SSRP1: variants seen among roughly 807,000 people sequenced by gnomAD.
The protein encoded by SSRP1 is FACT complex subunit SSRP1.
SSRP1 carries 21 observed loss-of-function variants against 84.4 expected under a neutral mutation model. The observed-to-expected ratio is 0.25, with a 90% CI of 0.18 to 0.36. The LOEUF is 0.36. Among genes scored for constraint, SSRP1 ranks in the 10% least tolerant of loss-of-function variants. The pLI is 1.00. For synonymous variants in SSRP1, 319 were observed against 318.3 expected (o/e 1.00, Z -0.02); for missense variants, 519 against 900.8 (o/e 0.58, Z 5.43).
Position 57,335,502 on chromosome 11 carries a change from G to T in SSRP1, c.-120+228C>A. Reference sequence around the variant, plus strand: ...ATGGCAACGAGCAGCGGAACCCCAGGGTCTGCCAGGAGCCCGCACATCGCA... The same window carrying T: ...ATGGCAACGAGCAGCGGAACCCCAGTGTCTGCCAGGAGCCCGCACATCGCA... On this transcript the variant is annotated intron_variant, in intron 1 of 16. Coordinates refer to ENST00000278412, the MANE Select transcript of SSRP1 (RefSeq NM_003146.3). This position sits in a 1 kb window ranked among gnomAD's most constrained non-coding sequence, Gnocchi z 4.6. 1 of 303,902 alleles carries T rather than the reference G, an allele frequency of 3.3e-6. No homozygotes were observed. The highest frequency in any genetic ancestry group is 3.1e-5 in the South Asian group (1 of 32,160). The allele number at this position is 303,902 out of a possible 1,614,324, so 18.8% of individuals were successfully genotyped here.
At position 57,335,542 on chromosome 11, in the gene SSRP1, G is replaced by C; in HGVS notation, c.-120+188C>G. The C allele has an allele frequency of 3.7e-6, 1 of 271,720 alleles. No individual in the cohort carries two copies. The highest frequency in any genetic ancestry group is 4.0e-5 in the South Asian group (1 of 25,116). 16.8% of individuals were successfully genotyped at this position (271,720 alleles called of 1,614,324 possible). On this transcript the variant is annotated intron_variant, in intron 1 of 16. Coordinates refer to ENST00000278412, the MANE Select transcript of SSRP1 (RefSeq NM_003146.3). The surrounding 1 kb of genome is among the most constrained non-coding windows in gnomAD (Gnocchi z 4.6). ...CGCACATCGCACGCGACCCAATCCA[G>C]CTCAGAGTGCAGGGTTTCCCTCGCA...
chr11:57,333,188 C>G, intron 4 of SSRP1, 39 bp from the exon 5 acceptor site: 1 of 1,571,482 alleles, frequency 6.4e-7, no homozygotes, highest in Admixed American at 1.8e-5. Flanking sequence ...AGCTCCTCCC[C>G]TTAAGTCTGC....
chr11:57,327,529 G>C lies in SSRP1; in HGVS notation c.1783-15C>G. On this transcript the variant is annotated splice_polypyrimidine_tract_variant and intron_variant, in intron 14 of 16. Coordinates refer to ENST00000278412, the MANE Select transcript of SSRP1 (RefSeq NM_003146.3). ...CGATCCCACTCCTGTCTCACACACA[G>C]AAAAAAACAGTTAAGAATAAGACCT... 1.2e-6 allele frequency: 2 copies of C among 1,613,046 alleles called. No homozygotes were observed. The highest frequency in any genetic ancestry group is 2.2e-5 in the East Asian group (1 of 44,882).
intron 3 of SSRP1, 145 bp downstream of exon 3, chr11:57,334,318 T>G (rs559488289): frequency 1.1e-6 from 1 of 873,208 alleles, no homozygotes; most frequent in African/African-American, 1.7e-5. Flanking sequence ...AGCCAAACAC[T>G]GATTGCCTGA....
In SSRP1 at chr11:57,332,995, G is replaced by A. The variant is rs1284658417; in HGVS notation, c.501C>T (p.Val167=). Residue 167 remains valine, a synonymous_variant, in exon 5 of 17, where the codon GTC becomes GTT. Coordinates refer to ENST00000278412, the MANE Select transcript of SSRP1 (RefSeq NM_003146.3). The surrounding 1 kb of genome is among the most constrained non-coding windows in gnomAD (Gnocchi z 5.5). ...CCACACCATCCTCCTGGGTGGGTGG[G>A]ACGTAGAAGCGCACCTCCATGAGAG... ...EVSLMEVRFY[V]PPTQEDGVDP... The A allele has an allele frequency of 1.9e-6, 3 of 1,613,768 alleles. No individual in the cohort carries two copies. In the African/African-American group the frequency reaches 4.0e-5, roughly 22 times the overall value.
rs374350120 is a variant in SSRP1 at position 57,328,358 on chromosome 11, C to T, written c.1550G>A (p.Arg517Gln). 147 of 1,614,076 alleles carry T rather than the reference C, an allele frequency of 9.1e-5. No individual in the cohort carries two copies. Among genetic ancestry groups the T allele is most frequent in the Non-Finnish European group, 1.2e-4 (136 of 1,180,032 alleles). ...CATCTTGGCCTTTTTGAGCTGTTTC[C>T]GCTTCTTCTCATCCCGGTCACTGTC... Reference protein sequence around the residue: ...EGDSDRDEKKRKQLKKAKMAK... With the variant: ...EGDSDRDEKKQKQLKKAKMAK... The change falls in exon 13 of 17, where the codon CGG (arginine) becomes CAG (glutamine). Residue 517 changes from arginine (R) to glutamine (Q), a missense_variant. Physicochemically the swap from Arg to Gln is conservative, Grantham distance 43 (BLOSUM62 1). This residue lies in a region of SSRP1 where 197 missense variants were observed against 265.0 expected (regional missense o/e 0.74). Coordinates refer to ENST00000278412, the MANE Select transcript of SSRP1 (RefSeq NM_003146.3).
At position 57,327,400 on chromosome 11, in the gene SSRP1, G is replaced by C. The variant is rs756080541; in HGVS notation, c.1871+26C>G. On this transcript the variant is annotated intron_variant, in intron 15 of 16. Coordinates refer to ENST00000278412, the MANE Select transcript of SSRP1 (RefSeq NM_003146.3). ...AAAAAAGTCTGCCACAAAAATCAGT[G>C]ACTGGGCCATGTTCTCGACACTCAC... 1.1e-5 allele frequency: 17 copies of C among 1,594,430 alleles called. No homozygotes were observed. The South Asian group carries it at 1.8e-4, about 17-fold the overall frequency.
chr11:57,329,208 C>G (rs1856043100), intron 12 of SSRP1: 1 of 152,196 alleles, frequency 6.6e-6, no homozygotes, highest in African/African-American at 2.4e-5. Context: ...CTAGAGGACT[C>G]CTGTTGGGTG....
rs960502969 is a variant in SSRP1, at chr11:57,328,445, G to T, written c.1482-19C>A. ...GTCAAACCTGCCAGAGAACAAGCCA[G>T]GCTTAGACTTGAGGAGGGAAGACAG... On this transcript the variant is annotated intron_variant, in intron 12 of 16. Coordinates refer to ENST00000278412, the MANE Select transcript of SSRP1 (RefSeq NM_003146.3). The T allele has an allele frequency of 2.5e-6, 4 of 1,613,848 alleles. No homozygotes were observed. Among genetic ancestry groups the T allele is most frequent in the Non-Finnish European group, 8.5e-7 (1 of 1,179,948 alleles).
intron 16 of SSRP1, 85 bp from the exon 17 acceptor site, chr11:57,326,563 C>T (rs755577880): frequency 2.4e-4 from 388 of 1,601,496 alleles, no homozygotes; most frequent in Admixed American, 6.8e-4. Context: ...AATTCCCTAC[C>T]GCCCCCAACT....
chr11:57,333,644 G>A, intron 3 of SSRP1, 104 bp from the exon 4 acceptor site: 4 of 801,478 alleles, frequency 5.0e-6, no homozygotes, highest in Middle Eastern at 4.7e-4. Context: ...GCCCCAAATA[G>A]GCTTTATAAG....
Position 57,333,437 on chromosome 11 carries a change from C to A in SSRP1, c.344G>T (p.Gly115Val), listed in dbSNP as rs779189385. The change falls in exon 4 of 17, where the codon GGT becomes GTT. Residue 115 changes from glycine (G) to valine (V), a missense_variant and splice_region_variant. Coordinates refer to ENST00000278412, the MANE Select transcript of SSRP1 (RefSeq NM_003146.3). Reference protein sequence around the residue: ...KGWNWGTVKFGGQLLSFDIGD... With the variant: ...KGWNWGTVKFVGQLLSFDIGD... ...CCTCAGTCTTCCCCAGGACTCACCA[C>A]CAAATTTCACTGTCCCCCAGTTCCA... The A allele has an allele frequency of 9.3e-6, 15 of 1,613,654 alleles. No homozygotes were observed. In the African/African-American group the frequency reaches 2.0e-4, roughly 22 times the overall value.
At position 57,326,820 on chromosome 11, in the gene SSRP1, T is replaced by C. The variant is rs1362646396; in HGVS notation, c.1941A>G (p.Ser647=). 6.8e-6 allele frequency: 11 copies of C among 1,613,920 alleles called. No individual in the cohort carries two copies. In the African/African-American group the frequency reaches 8.0e-5, roughly 12 times the overall value. The change falls in exon 16 of 17, where the codon TCA becomes TCG. Residue 647 remains serine (S), a synonymous_variant. Transcript: ENST00000278412. ...GCTGCCTTGAGGACGACTTGGATGA[T>C]GAGCCCCTAGAGGGCGTGGATTTCT... ...MEKKSTPSRG[S]SSKSSSRQLS... is the part of the protein sequence containing the mutation.
intron 13 of SSRP1, 147 bp downstream of exon 13, chr11:57,328,150 C>A: frequency 7.5e-7 from 1 of 1,328,562 alleles, no homozygotes; most frequent in Non-Finnish European, 1.0e-6. Context: ...AAGAAGATAA[C>A]CCTCAAGGCT....
chr11:57,330,214 GC>G lies in SSRP1; in HGVS notation c.1435+76del. 2 of 1,614,070 alleles carry G rather than the reference GC, an allele frequency of 1.2e-6. No homozygotes were observed. The highest frequency in any genetic ancestry group is 1.7e-6 in the Non-Finnish European group (2 of 1,179,986). On this transcript the variant is annotated intron_variant, in intron 11 of 16. Transcript: ENST00000278412. This position sits in a 1 kb window ranked among gnomAD's most constrained non-coding sequence, Gnocchi z 4.0. Reference sequence around the variant, plus strand: ...CACCTCACCCAGGCACCCAGCTCTGGCCCAAGGGTGAGTCCAGCCCGGGCCA... The same window carrying G: ...CACCTCACCCAGGCACCCAGCTCTGGCCAAGGGTGAGTCCAGCCCGGGCCA...
rs1856122381 is a variant in SSRP1 at position 57,332,902 on chromosome 11, G to A, written c.538-47C>T. On this transcript the variant is annotated intron_variant, in intron 5 of 16. Transcript: ENST00000278412. This position sits in a 1 kb window ranked among gnomAD's most constrained non-coding sequence, Gnocchi z 5.5. ...GCCAAGCAGCAGGCCCTGCTCCCAG[G>A]CCAGCCAATGCCTGCTCAGCACCAT... 1 of 1,596,080 alleles carries A rather than the reference G, an allele frequency of 6.3e-7. No individual in the cohort carries two copies. Among genetic ancestry groups the A allele is most frequent in the African/African-American group, 1.3e-5 (1 of 74,688 alleles).
chr11:57,334,241 A>G (rs1396331832), intron 3 of SSRP1, among the ~76,000 whole-genome samples: 2 of 152,244 alleles, frequency 1.3e-5, no homozygotes, highest in African/African-American at 2.4e-5. Context: ...ACTACTATCT[A>G]AATCAAGACA....
In SSRP1 at chr11:57,335,276, C is replaced by CAGCA; in HGVS notation, c.-119-40_-119-37dup. 1.3e-6 allele frequency: 1 copy of CAGCA among 750,880 alleles called. No homozygotes were observed. Among genetic ancestry groups the CAGCA allele is most frequent in the Admixed American group, 1.9e-5 (1 of 52,000 alleles). The allele number at this position is 750,880 out of a possible 1,614,324, so 46.5% of individuals were successfully genotyped here. On this transcript the variant is annotated intron_variant, in intron 1 of 16. Transcript: ENST00000278412. This position sits in a 1 kb window ranked among gnomAD's most constrained non-coding sequence, Gnocchi z 4.6. ...GAGGAAGACAGATAAGCATGAAAGA[C>CAGCA]AGCACCTCGCTGTGCTCACGGATGG...
rs7932705 is a variant in SSRP1, at chr11:57,333,526, G to C, written c.255C>G (p.Leu85=). ...GATAGTGAGTTTTGAAGAAATCAGA[G>C]AGTTTCTCAAACTCCTGTGGGTGGA... ...DGFRESEFEK[L]SDFFKTHYRL... Residue 85 remains leucine, a synonymous_variant, in exon 4 of 17, where the codon CTC becomes CTG. Coordinates refer to ENST00000278412, the MANE Select transcript of SSRP1 (RefSeq NM_003146.3). 2.8e-3 allele frequency: 4,492 copies of C among 1,613,732 alleles called. 123 individuals carry two copies. In the African/African-American group the frequency reaches 0.053, roughly 19 times the overall value.
Sources: gnomAD v4.1 joint callset for allele counts (sites outside exome capture counted in the v4.1 genomes callset) on GRCh38, gnomAD v4.1.1 for gene constraint, gnomAD v4.1.1 regional missense constraint, Gnocchi (gnomAD v3.1) non-coding constraint, MANE v1.5 for transcripts, NCBI Gene and HGNC (gene_info 2026-07-23, HGNC 2026-07-21) for gene names.